The following IRF2 variants were observed in gnomAD, a reference collection of about 807,000 sequenced individuals.
IRF2 encodes the protein interferon regulatory factor 2.
IRF2 carries 15 observed loss-of-function variants against 40.6 expected under a neutral mutation model. The ratio of observed to expected loss-of-function variants is 0.37; its 90% CI spans 0.25 to 0.57. IRF2 has a LOEUF of 0.57. Ranked by LOEUF, IRF2 falls within the 20% of genes least tolerant of loss-of-function variation. The probability of loss-of-function intolerance (pLI) is 0.77; values close to 1 mark genes in which losing one functional copy is unlikely to be tolerated. For missense variants in IRF2, 317 were observed against 455.7 expected, an observed-to-expected ratio of 0.70 and a Z score of 2.77; for synonymous variants, 151 against 165.5, an observed-to-expected ratio of 0.91 and a Z score of 0.67.
intron 1 of IRF2, among the ~76,000 whole-genome samples, chr4:184,459,853 A>G (rs1451524196): frequency 6.6e-6 from 1 of 152,238 alleles, no homozygotes; most frequent in Non-Finnish European, 1.5e-5. Context: ...AAAAGATAAT[A>G]ATAACAAATG....
At chr4:184,393,009 A>G (rs911529519) in intron 7 of IRF2, among the ~76,000 whole-genome samples, 7 of 152,170 alleles carry the variant, frequency 4.6e-5, no homozygotes, top group Admixed American at 1.3e-4. Flanking sequence ...GAGCACAAGA[A>G]TTGTTTCCAC....
intron 1 of IRF2, among the ~76,000 whole-genome samples, chr4:184,459,143 G>A (rs185337531): frequency 8.5e-5 from 13 of 152,060 alleles, no homozygotes; most frequent in South Asian, 6.2e-4. Context: ...CAGAGCAGCC[G>A]CAATGATAAA....
In IRF2 at chr4:184,390,761, G is replaced by C. The variant is rs774469214; in HGVS notation, c.695-12C>G. 4 of 1,614,210 alleles carry C rather than the reference G, an allele frequency of 2.5e-6. No individual in the cohort carries two copies. Among genetic ancestry groups the C allele is most frequent in the African/African-American group, 2.7e-5 (2 of 75,060 alleles). ...AGTCGTTTCGCTTTCTGTTCACAGA[G>C]AGAAAAACACAGGGCCATCATTCCT... On this transcript the variant is annotated splice_polypyrimidine_tract_variant and intron_variant, in intron 7 of 8. Coordinates refer to ENST00000393593, the MANE Select transcript of IRF2 (RefSeq NM_002199.4).
chr4:184,473,592 C>A (rs1264772709), intron 1 of IRF2, among the ~76,000 whole-genome samples: 2 of 147,696 alleles, frequency 1.4e-5, no homozygotes, highest in African/African-American at 4.9e-5. Context: ...GGCGGCCCAG[C>A]CCCCAGGAAG....
Position 184,388,918 on chromosome 4 carries a change from T to G in IRF2, c.890A>C (p.Asn297Thr), listed in dbSNP as rs765109687. Residue 297 changes from asparagine to threonine, a missense_variant, in exon 9 of 9, where the codon AAT (asparagine) becomes ACT (threonine). Physicochemically the swap from Asn to Thr is moderately conservative, Grantham distance 65 (BLOSUM62 0). Around this residue, in one of 2 missense-constraint regions of IRF2, gnomAD observed 262 missense variants for 334.0 expected, o/e 0.78. Transcript: ENST00000393593. This position sits in a 1 kb window ranked among gnomAD's most constrained non-coding sequence, Gnocchi z 4.6. Reference sequence around the variant, plus strand: ...CCAGGAGCTGTTGTAAGGCACCGGATTGCTCTCCTCTTTGATGGTGACCTG... The same window carrying G: ...CCAGGAGCTGTTGTAAGGCACCGGAGTGCTCTCCTCTTTGATGGTGACCTG... ...DLQVTIKEESNPVPYNSSWPP... is the reference protein window; with the variant it reads ...DLQVTIKEESTPVPYNSSWPP... The G allele has an allele frequency of 5.0e-6, 8 of 1,614,088 alleles. No individual in the cohort carries two copies. The highest frequency in any genetic ancestry group is 5.9e-6 in the Non-Finnish European group (7 of 1,180,016).
At chr4:184,417,127 G>A (rs1737311199) in intron 5 of IRF2, among the ~76,000 whole-genome samples, 2 of 152,172 alleles carry the variant, frequency 1.3e-5, no homozygotes, top group Non-Finnish European at 2.9e-5. Flanking sequence ...TTAGAAGTCA[G>A]GAAATGGGAG....
chr4:184,399,397 G>A (rs751747622), intron 6 of IRF2, among the ~76,000 whole-genome samples: 1 of 152,186 alleles, frequency 6.6e-6, no homozygotes, highest in African/African-American at 2.4e-5. Context: ...GACCAGAGGC[G>A]GCATCCAGCC....
At chr4:184,389,178 G>A in intron 8 of IRF2, 112 bp from the exon 9 acceptor site, 2 of 1,026,674 alleles carry the variant, frequency 1.9e-6, no homozygotes, top group South Asian at 1.4e-5. Flanking sequence ...CCAGCACTTT[G>A]GGAGGCTGAG....
At chr4:184,400,503 A>G (rs1247661986) in intron 6 of IRF2, among the ~76,000 whole-genome samples, 1 of 152,160 alleles carries the variant, frequency 6.6e-6, no homozygotes, top group Non-Finnish European at 1.5e-5. Context: ...TGACTATTAC[A>G]AATAATGCTG....
intron 7 of IRF2, among the ~76,000 whole-genome samples, chr4:184,398,174 G>A (rs1470667288): frequency 1.3e-5 from 2 of 152,180 alleles, no homozygotes; most frequent in African/African-American, 2.4e-5. Flanking sequence ...CTGACTGTAC[G>A]ACCCTGCGCA....
chr4:184,408,675 A>G lies in IRF2; in HGVS notation c.412-400T>C, dbSNP rs1322117413. On this transcript the variant is annotated intron_variant, in intron 5 of 8. Coordinates refer to ENST00000393593, the MANE Select transcript of IRF2 (RefSeq NM_002199.4). This position sits in a 1 kb window ranked among gnomAD's most constrained non-coding sequence, Gnocchi z 4.9. ...AATGCCTGGCTTTCACCAGGGAGGA[A>G]TCATGCTACCTCTTTCATAATTATT... 6.6e-6 allele frequency among the ~76,000 whole-genome samples: 1 copy of G among 152,210 alleles called. No homozygotes were observed. Among genetic ancestry groups the G allele is most frequent in the Admixed American group, 6.5e-5 (1 of 15,282 alleles).
chr4:184,420,887 C>G (rs920148838), intron 2 of IRF2, among the ~76,000 whole-genome samples: 1 of 152,204 alleles, frequency 6.6e-6, no homozygotes, highest in Non-Finnish European at 1.5e-5. Flanking sequence ...TGTCTAAGTT[C>G]AAAACCCAGG....
In IRF2 at chr4:184,414,547, G is replaced by A. The variant is rs866479001; in HGVS notation, c.411+3620C>T. Among the ~76,000 whole-genome samples the A allele has an allele frequency of 4.6e-5, 7 of 152,168 alleles. 1 individual carries two copies. In the South Asian group the frequency reaches 6.2e-4, roughly 13 times the overall value. On this transcript the variant is annotated intron_variant, in intron 5 of 8. Transcript: ENST00000393593. Reference sequence around the variant, plus strand: ...TTTCCTTAGATAACCAGTTACCGCCGCACAGGTGGGGCTTAGCTCAAGGAA... The same window carrying A: ...TTTCCTTAGATAACCAGTTACCGCCACACAGGTGGGGCTTAGCTCAAGGAA...
intron 2 of IRF2, among the ~76,000 whole-genome samples, chr4:184,424,760 G>C (rs1273711417): frequency 6.6e-6 from 1 of 152,208 alleles, no homozygotes; most frequent in African/African-American, 2.4e-5. Flanking sequence ...AACAGACTAA[G>C]ACAATAGAGG....
chr4:184,470,789 C>A (rs573405238), intron 1 of IRF2, among the ~76,000 whole-genome samples: 2 of 151,818 alleles, frequency 1.3e-5, no homozygotes, highest in African/African-American at 4.8e-5. Context: ...GAAGTTGACA[C>A]GAGAGTGAAG....
intron 1 of IRF2, among the ~76,000 whole-genome samples, chr4:184,432,675 T>C (rs943958543): frequency 1.1e-4 from 17 of 152,260 alleles, no homozygotes; most frequent in African/African-American, 3.6e-4. Context: ...GAACCCGATG[T>C]CCTTATAAGA....
intron 6 of IRF2, 35 bp from the exon 7 acceptor site, chr4:184,399,114 C>A: frequency 6.5e-7 from 1 of 1,549,546 alleles, no homozygotes; most frequent in Non-Finnish European, 8.7e-7. Flanking sequence ...GCAAAGTCTG[C>A]TGACCTCACA....
rs200380327 is a variant in IRF2 at position 184,398,982 on chromosome 4, G to A, written c.627C>T (p.Ser209=). The part of the protein sequence containing the change: ...ICQVVEVTTE[S]DEQPVSMSEL... Reference sequence around the variant, plus strand: ...CGCTCATGCTGACCGGCTGCTCGTCGCTCTCAGTGGTCACCTCTACAACTT... The same window carrying A: ...CGCTCATGCTGACCGGCTGCTCGTCACTCTCAGTGGTCACCTCTACAACTT... The change falls in exon 7 of 9, where the codon AGC becomes AGT. Residue 209 remains serine (S), a synonymous_variant. Coordinates refer to ENST00000393593, the MANE Select transcript of IRF2 (RefSeq NM_002199.4). 5.0e-6 allele frequency: 8 copies of A among 1,613,454 alleles called. No homozygotes were observed. Among genetic ancestry groups the A allele is most frequent in the East Asian group, 2.2e-5 (1 of 44,834 alleles).
chr4:184,397,484 A>C (rs1736511072), intron 7 of IRF2, among the ~76,000 whole-genome samples: 1 of 152,214 alleles, frequency 6.6e-6, no homozygotes, highest in African/African-American at 2.4e-5. Flanking sequence ...AAAATGGCTA[A>C]AATGGTAAAT....
Sources: allele counts gnomAD v4.1 joint callset (sites outside exome capture counted in the v4.1 genomes callset), GRCh38; gene constraint gnomAD v4.1.1; regional missense constraint gnomAD v4.1.1; non-coding constraint Gnocchi (gnomAD v3.1); transcripts MANE v1.5; gene names NCBI Gene and HGNC (gene_info 2026-07-23, HGNC 2026-07-21).